Variants in RUBCN observed in about 807,000 individuals in gnomAD.
The protein encoded by RUBCN is run domain Beclin-1-interacting and cysteine-rich domain-containing protein.
In RUBCN, 74 loss-of-function variants were observed where a neutral mutation model predicts 113.2. The observed-to-expected ratio is 0.65, with a 90% CI of 0.54 to 0.79. The LOEUF (loss-of-function observed/expected upper bound fraction) is 0.79. Among genes scored for constraint, RUBCN ranks in the 30% least tolerant of loss-of-function variants. The pLI, the probability that RUBCN is intolerant of heterozygous loss-of-function variation, is 0.00. For missense variants in RUBCN, 1,109 were observed against 1,251.7 expected, an observed-to-expected ratio of 0.89 and a Z score of 1.72; for synonymous variants, 480 against 490.0, an observed-to-expected ratio of 0.98 and a Z score of 0.27.
At chr3:197,708,744 T>C (rs1724613418) in intron 2 of RUBCN, among the ~76,000 whole-genome samples, 1 of 152,168 alleles carries the variant, frequency 6.6e-6, no homozygotes, top group Admixed American at 6.6e-5. Context: ...CCCAAACCTA[T>C]TCCTGTCAGT....
chr3:197,706,060 T>C (rs757607491), intron 2 of RUBCN, among the ~76,000 whole-genome samples: 1 of 152,214 alleles, frequency 6.6e-6, no homozygotes, highest in Non-Finnish European at 1.5e-5. Flanking sequence ...CTCTCTACCG[T>C]TCTGTTTTCT....
intron 5 of RUBCN, among the ~76,000 whole-genome samples, chr3:197,702,996 C>G (rs1410528777): frequency 2.6e-5 from 4 of 152,050 alleles, no homozygotes; most frequent in African/African-American, 9.7e-5. Context: ...ACAGGTTTAA[C>G]AAAATCTACC....
chr3:197,713,464 C>T (rs1241498025), intron 2 of RUBCN, among the ~76,000 whole-genome samples: 7 of 152,194 alleles, frequency 4.6e-5, no homozygotes, highest in African/African-American at 1.7e-4. Context: ...TTCTGTAAAA[C>T]ACACTGGCAG....
intron 14 of RUBCN, 73 bp downstream of exon 14, chr3:197,682,397 G>A: frequency 1.9e-6 from 3 of 1,566,526 alleles, no homozygotes; most frequent in Non-Finnish European, 2.6e-6. Flanking sequence ...GGGACAAGTG[G>A]GTGAGACGAA....
chr3:197,702,872 C>A (rs1362760026), intron 5 of RUBCN, among the ~76,000 whole-genome samples: 1 of 152,058 alleles, frequency 6.6e-6, no homozygotes, highest in African/African-American at 2.4e-5. Flanking sequence ...AAAAAACTGA[C>A]CCCGTGTAAC....
chr3:197,739,417 G>T (rs1359404464), upstream of RUBCN, among the ~76,000 whole-genome samples: 1 of 151,230 alleles, frequency 6.6e-6, no homozygotes, highest in Non-Finnish European at 1.5e-5. Flanking sequence ...AAAAAGGCCG[G>T]GCGTGGTGGC....
chr3:197,692,415 C>T (rs1722524066), intron 11 of RUBCN, among the ~76,000 whole-genome samples: 3 of 151,748 alleles, frequency 2.0e-5, no homozygotes, highest in African/African-American at 7.3e-5. Flanking sequence ...GGGCATCATT[C>T]AAGCAAATTA....
In RUBCN at chr3:197,731,451, C is replaced by T. The variant is rs920079026; in HGVS notation, c.65+5204G>A. Among the ~76,000 whole-genome samples, 6 of 152,388 alleles carry T rather than the reference C, an allele frequency of 3.9e-5. No homozygotes were observed. The South Asian group carries it at 6.2e-4, about 16-fold the overall frequency. On this transcript the variant is annotated intron_variant, in intron 1 of 19. Transcript: ENST00000296343. ...CTCAATCTTTTCCCCACCTTTCCCC[C>T]GTTTCTATTCTACAAAACCGCCATT...
intron 7 of RUBCN, among the ~76,000 whole-genome samples, chr3:197,698,091 C>T (rs183519604): frequency 1.1e-4 from 17 of 152,190 alleles, no homozygotes; most frequent in Non-Finnish European, 1.9e-4. Flanking sequence ...AACTCCAACA[C>T]GACCTTAACC....
At chr3:197,713,238 C>T (rs1355081306) in intron 2 of RUBCN, among the ~76,000 whole-genome samples, 1 of 152,224 alleles carries the variant, frequency 6.6e-6, no homozygotes, top group East Asian at 1.9e-4. Flanking sequence ...ATTTGAGATT[C>T]TCATTGATTT....
chr3:197,679,509 C>T (rs1182245240), intron 16 of RUBCN, among the ~76,000 whole-genome samples: 7 of 146,330 alleles, frequency 4.8e-5, no homozygotes, highest in African/African-American at 1.0e-4. Context: ...GACTGTCCTA[C>T]GCTCTAACTG....
chr3:197,738,827 A>G (rs186335828), upstream of RUBCN, among the ~76,000 whole-genome samples: 3 of 152,204 alleles, frequency 2.0e-5, no homozygotes, highest in Admixed American at 6.5e-5. Flanking sequence ...CCTGGGCTCA[A>G]GCAGTCCTCC....
At chr3:197,685,500 T>A (rs780937955) in intron 11 of RUBCN, among the ~76,000 whole-genome samples, 3 of 152,136 alleles carry the variant, frequency 2.0e-5, no homozygotes, top group Non-Finnish European at 4.4e-5. Context: ...TAACAAGAAA[T>A]AAGATTGTGT....
upstream of RUBCN, chr3:197,736,999 G>C: frequency 1.7e-6 from 2 of 1,165,990 alleles, no homozygotes; most frequent in African/African-American, 3.3e-5. Context: ...GGCCGCGCTC[G>C]CAGACCGCGC....
intron 2 of RUBCN, among the ~76,000 whole-genome samples, chr3:197,708,054 A>G (rs567469523): frequency 6.6e-6 from 1 of 152,248 alleles, no homozygotes; most frequent in South Asian, 2.1e-4. Context: ...AGAGAGAGGG[A>G]TAAATTTTAT....
chr3:197,695,749 G>A (rs769459346), intron 9 of RUBCN, 117 bp downstream of exon 9: 28 of 924,012 alleles, frequency 3.0e-5, no homozygotes, highest in South Asian at 4.0e-5. Context: ...TCCCTTTACC[G>A]TGAACTTATC....
At position 197,681,077 on chromosome 3, in the gene RUBCN, A is replaced by G. The variant is rs1580164129; in HGVS notation, c.2430+52T>C. On this transcript the variant is annotated intron_variant, in intron 16 of 19. Transcript: ENST00000296343. The surrounding 1 kb of genome is among the most constrained non-coding windows in gnomAD (Gnocchi z 5.5). ...GACGGGGGAGGGACGAGGGGAGGGGATGAGGGGAGGAGAAGGGCAAGACTC... is the reference window on the plus strand; with the variant it reads ...GACGGGGGAGGGACGAGGGGAGGGGGTGAGGGGAGGAGAAGGGCAAGACTC... 1.9e-6 allele frequency: 2 copies of G among 1,039,192 alleles called. No homozygotes were observed. Among genetic ancestry groups the G allele is most frequent in the Admixed American group, 1.8e-5 (1 of 55,052 alleles). 64.4% of individuals were successfully genotyped at this position (1,039,192 alleles called of 1,614,324 possible).
intron 12 of RUBCN, 114 bp downstream of exon 12, chr3:197,684,043 T>C (rs1437379538): frequency 1.2e-6 from 1 of 828,190 alleles, no homozygotes; most frequent in Non-Finnish European, 2.0e-6. Context: ...CCCTTTAACC[T>C]CGCCTCCTCT....
At chr3:197,682,418 A>C in intron 14 of RUBCN, 52 bp downstream of exon 14, 1 of 1,610,200 alleles carries the variant, frequency 6.2e-7, no homozygotes, top group Non-Finnish European at 8.5e-7. Flanking sequence ...AACCCTGACA[A>C]TCCAAAGAGG....
Sources: gnomAD v4.1 joint callset for allele counts (sites outside exome capture counted in the v4.1 genomes callset) on GRCh38, gnomAD v4.1.1 for gene constraint, Gnocchi (gnomAD v3.1) non-coding constraint, MANE v1.5 for transcripts, NCBI Gene and HGNC (gene_info 2026-07-23, HGNC 2026-07-21) for gene names.